TAFA2: variants seen among roughly 807,000 people sequenced by gnomAD.
TAFA2 encodes the protein TAFA chemokine like family member 2.
A neutral mutation model predicts 18.8 loss-of-function variants in TAFA2; 7 were observed. The observed-to-expected ratio is 0.37, with a 90% CI of 0.21 to 0.70. The LOEUF (loss-of-function observed/expected upper bound fraction) is 0.70, where lower values mean the gene tolerates loss of function less well. Ranked by LOEUF, TAFA2 falls within the 30% of genes least tolerant of loss-of-function variation. The pLI is 0.53. For synonymous variants in TAFA2, 60 were observed against 54.2 expected, an observed-to-expected ratio of 1.11 and a Z score of -0.47; for missense variants, 122 against 158.1, an observed-to-expected ratio of 0.77 and a Z score of 1.23.
At chr12:61,785,302 A>G (rs958024523) in intron 2 of TAFA2, among the ~76,000 whole-genome samples, 8 of 145,150 alleles carry the variant, frequency 5.5e-5, no homozygotes, top group Non-Finnish European at 1.2e-4. Flanking sequence ...TTATTCCTTT[A>G]TGGCTGAATA....
chr12:62,188,944 A>G (rs1465145301), intron 1 of TAFA2, among the ~76,000 whole-genome samples: 1 of 152,150 alleles, frequency 6.6e-6, no homozygotes, highest in Non-Finnish European at 1.5e-5. Context: ...CAACTCAATG[A>G]ATCTTCATTC....
intron 1 of TAFA2, among the ~76,000 whole-genome samples, chr12:62,228,727 A>G (rs2062799050): frequency 1.3e-5 from 2 of 152,240 alleles, no homozygotes; most frequent in African/African-American, 4.8e-5. Context: ...GTGCTACCAT[A>G]CAAATTTGAG....
intron 1 of TAFA2, among the ~76,000 whole-genome samples, chr12:62,048,344 G>C (rs1485261543): frequency 6.6e-6 from 1 of 152,178 alleles, no homozygotes; most frequent in African/African-American, 2.4e-5. Context: ...AAAACTATCA[G>C]ATCTCGTGAG....
In TAFA2 at chr12:61,921,749, G is replaced by A. The variant is rs940503024; in HGVS notation, c.-1-54323C>T. On this transcript the variant is annotated intron_variant, in intron 1 of 4. Coordinates refer to ENST00000416284, the MANE Select transcript of TAFA2 (RefSeq NM_178539.5). ...GTTTGCATACTGATGTTATTTAAAG[G>A]CATATAACTACACAGTATGACTATG... is the stretch of plus-strand genomic sequence containing the variant. Among the ~76,000 whole-genome samples the A allele has an allele frequency of 2.0e-5, 3 of 152,198 alleles. No individual in the cohort carries two copies. The South Asian group carries it at 6.2e-4, about 32-fold the overall frequency.
intron 2 of TAFA2, among the ~76,000 whole-genome samples, chr12:61,843,406 C>T: frequency 6.6e-6 from 1 of 152,000 alleles, no homozygotes; most frequent in Non-Finnish European, 1.5e-5. Context: ...ACAGAAAAAA[C>T]AACAGGAAAA....
chr12:62,208,999 T>C (rs1352926044), intron 1 of TAFA2, among the ~76,000 whole-genome samples: 1 of 152,216 alleles, frequency 6.6e-6, no homozygotes, highest in East Asian at 1.9e-4. Context: ...CCTGGTTTAC[T>C]AGATTAACAA....
At chr12:61,833,226 T>C (rs763707291) in intron 2 of TAFA2, among the ~76,000 whole-genome samples, 1 of 151,572 alleles carries the variant, frequency 6.6e-6, no homozygotes, top group Non-Finnish European at 1.5e-5. Flanking sequence ...GAACCATGAA[T>C]TTAAAGTGAG....
At chr12:62,043,966 C>T (rs1881839050) in intron 1 of TAFA2, among the ~76,000 whole-genome samples, 1 of 151,484 alleles carries the variant, frequency 6.6e-6, no homozygotes, top group African/African-American at 2.4e-5. Context: ...TGTTCTAACA[C>T]TCTAAAGCAA....
At chr12:61,804,193 A>C (rs1255511043) in intron 2 of TAFA2, among the ~76,000 whole-genome samples, 1 of 151,990 alleles carries the variant, frequency 6.6e-6, no homozygotes, top group Non-Finnish European at 1.5e-5. Flanking sequence ...CTATACTTTA[A>C]AAGAACTTCA....
At chr12:61,724,100 A>G (rs1200778686) in intron 4 of TAFA2, among the ~76,000 whole-genome samples, 2 of 152,058 alleles carry the variant, frequency 1.3e-5, no homozygotes, top group Non-Finnish European at 2.9e-5. Flanking sequence ...CACAAACAGA[A>G]TTATGTACTG....
intron 1 of TAFA2, among the ~76,000 whole-genome samples, chr12:62,030,799 T>C (rs1881437314): frequency 6.6e-6 from 1 of 152,082 alleles, no homozygotes; most frequent in Non-Finnish European, 1.5e-5. Context: ...TGTTACTGAC[T>C]TGAGGTTAAG....
At chr12:62,137,942 G>C (rs982919995) in intron 1 of TAFA2, among the ~76,000 whole-genome samples, 1 of 152,022 alleles carries the variant, frequency 6.6e-6, no homozygotes, top group African/African-American at 2.4e-5. Context: ...CCTCACCTTA[G>C]ATCTTCAAAA....
intron 1 of TAFA2, among the ~76,000 whole-genome samples, chr12:62,171,136 A>G (rs1236865165): frequency 1.3e-5 from 2 of 152,120 alleles, no homozygotes; most frequent in Non-Finnish European, 2.9e-5. Flanking sequence ...TTATTATTTT[A>G]GTATAATCCC....
At chr12:61,762,735 T>C (rs1451958231) in intron 2 of TAFA2, among the ~76,000 whole-genome samples, 1 of 151,806 alleles carries the variant, frequency 6.6e-6, no homozygotes, top group Non-Finnish European at 1.5e-5. Flanking sequence ...AGAGTAAATT[T>C]AGCGTCAAGT....
In TAFA2 at chr12:62,136,273, C is replaced by T. The variant is rs558537675; in HGVS notation, c.-2+54986G>A. Among the ~76,000 whole-genome samples, 40 of 152,156 alleles carry T rather than the reference C, an allele frequency of 2.6e-4. 1 individual carries two copies. In the South Asian group the frequency reaches 5.6e-3, roughly 21 times the overall value. Reference sequence around the variant, plus strand: ...AGTTATTTTCTTTAATACAGTGACCCACAATTGTTGTGAATCGTTTCATGT... The same window carrying T: ...AGTTATTTTCTTTAATACAGTGACCTACAATTGTTGTGAATCGTTTCATGT... On this transcript the variant is annotated intron_variant, in intron 1 of 4. Transcript: ENST00000416284.
intron 1 of TAFA2, among the ~76,000 whole-genome samples, chr12:61,900,169 C>T (rs980690035): frequency 6.6e-6 from 1 of 152,112 alleles, no homozygotes; most frequent in Non-Finnish European, 1.5e-5. Flanking sequence ...TAGAAGTATT[C>T]CTATACATAT....
intron 1 of TAFA2, among the ~76,000 whole-genome samples, chr12:62,137,464 G>A (rs2136902820): frequency 6.6e-6 from 1 of 152,210 alleles, no homozygotes; most frequent in African/African-American, 2.4e-5. Flanking sequence ...TGCTGGTTGA[G>A]GATGGAATTT....
chr12:61,817,282 A>G (rs1872124446), intron 2 of TAFA2, among the ~76,000 whole-genome samples: 1 of 152,212 alleles, frequency 6.6e-6, no homozygotes, highest in Non-Finnish European at 1.5e-5. Flanking sequence ...GTAAATAAAA[A>G]TAAACATATT....
intron 1 of TAFA2, among the ~76,000 whole-genome samples, chr12:61,882,733 A>G (rs1875202095): frequency 6.6e-6 from 1 of 152,162 alleles, no homozygotes; most frequent in African/African-American, 2.4e-5. Context: ...ACTCTATGCT[A>G]TATTTATATA....
Sources: gnomAD v4.1 joint callset for allele counts (sites outside exome capture counted in the v4.1 genomes callset) on GRCh38, gnomAD v4.1.1 for gene constraint, MANE v1.5 for transcripts, NCBI Gene and HGNC (gene_info 2026-07-23, HGNC 2026-07-21) for gene names.